HS2ST1: variants seen among roughly 807,000 people sequenced by gnomAD.
The protein encoded by HS2ST1 is heparan sulfate 2-O-sulfotransferase 1, also known as 2-O-sulfotransferase.
In HS2ST1, 18 loss-of-function variants were observed where a neutral mutation model predicts 42.9. The observed-to-expected ratio is 0.42, with a 90% confidence interval of 0.29 to 0.62. The LOEUF (loss-of-function observed/expected upper bound fraction) is 0.62. Among genes scored for constraint, HS2ST1 ranks in the 20% least tolerant of loss-of-function variants. The pLI is 0.21. For synonymous variants in HS2ST1, 146 were observed against 152.9 expected (o/e 0.95, Z 0.33); for missense variants, 334 against 433.8 (o/e 0.77, Z 2.04).
chr1:86,966,147 C>T (rs1648038914), intron 1 of HS2ST1, among the ~76,000 whole-genome samples: 1 of 152,308 alleles, frequency 6.6e-6, no homozygotes, highest in Admixed American at 6.5e-5. Flanking sequence ...TCCTTTGTGA[C>T]TTTAGCTCTT....
At chr1:86,940,865 G>A (rs1660746133) in intron 1 of HS2ST1, among the ~76,000 whole-genome samples, 1 of 152,106 alleles carries the variant, frequency 6.6e-6, no homozygotes, top group Non-Finnish European at 1.5e-5. Flanking sequence ...GTGGTGGCAT[G>A]TGCTTGTGGT....
At chr1:87,092,154 A>G (rs1356276956) in intron 3 of HS2ST1, among the ~76,000 whole-genome samples, 4 of 152,088 alleles carry the variant, frequency 2.6e-5, no homozygotes, top group Admixed American at 1.3e-4. Context: ...TATAAATATT[A>G]AATTCTTTCC....
At chr1:86,994,600 A>G (rs1649045880) in intron 1 of HS2ST1, among the ~76,000 whole-genome samples, 1 of 152,132 alleles carries the variant, frequency 6.6e-6, no homozygotes, top group Admixed American at 6.5e-5. Flanking sequence ...ACAAATTAAT[A>G]GTGATTGTTT....
chr1:87,020,941 C>T (rs1649927014), intron 1 of HS2ST1, among the ~76,000 whole-genome samples: 1 of 152,178 alleles, frequency 6.6e-6, no homozygotes, highest in Admixed American at 6.6e-5. Flanking sequence ...TTCTGAGCCT[C>T]ATTCTATAGG....
intron 1 of HS2ST1, among the ~76,000 whole-genome samples, chr1:86,917,876 A>G (rs995277139): frequency 6.6e-6 from 1 of 152,248 alleles, no homozygotes; most frequent in Non-Finnish European, 1.5e-5. Flanking sequence ...TGTAATGAAC[A>G]TAATTATGTT....
At chr1:86,965,615 T>C (rs1570451881) in intron 1 of HS2ST1, among the ~76,000 whole-genome samples, 1 of 152,004 alleles carries the variant, frequency 6.6e-6, no homozygotes, top group Non-Finnish European at 1.5e-5. Context: ...GAGGTTCTGA[T>C]TTAATTGGTC....
chr1:86,998,904 C>T (rs1186397625), intron 1 of HS2ST1, among the ~76,000 whole-genome samples: 3 of 152,178 alleles, frequency 2.0e-5, no homozygotes, highest in South Asian at 4.1e-4. Context: ...AATCCTCCTC[C>T]TCCCCCATGC....
At chr1:87,073,195 C>A (rs1426791868) in intron 2 of HS2ST1, 23 bp downstream of exon 2, 1 of 1,482,584 alleles carries the variant, frequency 6.7e-7, no homozygotes, top group South Asian at 1.1e-5. Flanking sequence ...TAAGGAATGC[C>A]CAAATATTTT....
chr1:86,917,593 C>G (rs1202720872), intron 1 of HS2ST1, among the ~76,000 whole-genome samples: 1 of 151,974 alleles, frequency 6.6e-6, no homozygotes, highest in African/African-American at 2.4e-5. Context: ...GGTTATATAA[C>G]TTGCCCAAGA....
intron 1 of HS2ST1, among the ~76,000 whole-genome samples, chr1:87,048,568 C>T (rs1210622529): frequency 1.3e-5 from 2 of 151,934 alleles, no homozygotes; most frequent in African/African-American, 4.8e-5. Context: ...AAGTTCCCTT[C>T]TATTCCCAGT....
At chr1:86,999,758 A>G (rs1413354446) in intron 1 of HS2ST1, among the ~76,000 whole-genome samples, 1 of 152,216 alleles carries the variant, frequency 6.6e-6, no homozygotes, top group Non-Finnish European at 1.5e-5. Context: ...AATATTCTGC[A>G]AGAGTCTTTT....
At chr1:87,072,856 T>C in intron 1 of HS2ST1, 78 bp from the exon 2 acceptor site, 4 of 982,476 alleles carry the variant, frequency 4.1e-6, no homozygotes, top group Non-Finnish European at 6.2e-6. Flanking sequence ...TCTTTTCTAA[T>C]CATGGTCCAA....
At chr1:86,941,803 A>T (rs1244290511) in intron 1 of HS2ST1, among the ~76,000 whole-genome samples, 1 of 152,094 alleles carries the variant, frequency 6.6e-6, no homozygotes, top group Non-Finnish European at 1.5e-5. Flanking sequence ...AACTACAGCT[A>T]TATCAAAGCC....
intron 3 of HS2ST1, among the ~76,000 whole-genome samples, chr1:87,090,500 T>G (rs372697792): frequency 3.3e-5 from 5 of 152,156 alleles, no homozygotes; most frequent in African/African-American, 1.2e-4. Flanking sequence ...AAGAGTTAAG[T>G]TGCTTGATAG....
At chr1:87,031,927 C>T (rs1282574136) in intron 1 of HS2ST1, among the ~76,000 whole-genome samples, 1 of 152,182 alleles carries the variant, frequency 6.6e-6, no homozygotes, top group Non-Finnish European at 1.5e-5. Context: ...CATTCAACCA[C>T]CATATTATGA....
At chr1:87,054,552 T>A (rs1557529862) in intron 1 of HS2ST1, among the ~76,000 whole-genome samples, 1 of 152,214 alleles carries the variant, frequency 6.6e-6, no homozygotes, top group Non-Finnish European at 1.5e-5. Context: ...CTGCTTTATG[T>A]GCCTGTGTGA....
intron 1 of HS2ST1, among the ~76,000 whole-genome samples, chr1:86,985,688 C>T (rs1043783855): frequency 7.3e-5 from 11 of 151,530 alleles, no homozygotes; most frequent in African/African-American, 1.5e-4. Flanking sequence ...TGAAAAATAC[C>T]TGGCAGGAGC....
At chr1:86,963,467 G>A (rs902005849) in intron 1 of HS2ST1, among the ~76,000 whole-genome samples, 11 of 152,148 alleles carry the variant, frequency 7.2e-5, no homozygotes, top group Non-Finnish European at 1.0e-4. Context: ...AGAGAGCACC[G>A]GGTTGTGGGT....
At chr1:87,064,371 T>A in intron 1 of HS2ST1, 1 of 431,890 alleles carries the variant, frequency 2.3e-6, no homozygotes, top group Non-Finnish European at 4.6e-6. Context: ...GAGTCTTACA[T>A]TTGTTTCATG....
Sources: gnomAD v4.1 joint callset for allele counts (sites outside exome capture counted in the v4.1 genomes callset) on GRCh38, gnomAD v4.1.1 for gene constraint, MANE v1.5 for transcripts, NCBI Gene and HGNC (gene_info 2026-07-23, HGNC 2026-07-21) for gene names.